Variants in RGS16 observed in about 807,000 individuals in gnomAD.
The protein encoded by RGS16 is hRGS-r.
In RGS16, 12 loss-of-function variants were observed where a neutral mutation model predicts 18.1. The ratio of observed to expected loss-of-function variants is 0.66; its 90% CI spans 0.42 to 1.07. RGS16 has a LOEUF of 1.07. RGS16 is among the 50% of genes least tolerant of loss of function. RGS16 has a pLI of 0.00. For missense variants in RGS16, 238 were observed against 249.2 expected (o/e 0.95, Z 0.30); for synonymous variants, 88 against 102.0 (o/e 0.86, Z 0.83).
Position 182,602,079 on chromosome 1 carries a change from G to T in RGS16, c.274C>A (p.Leu92Met). 1.2e-6 allele frequency: 2 copies of T among 1,614,152 alleles called. No individual in the cohort carries two copies. The highest frequency in any genetic ancestry group is 1.7e-6 in the Non-Finnish European group (2 of 1,180,026). ...FLKTEFSEEN[L>M]EFWLACEEFK... ...TCCTCACAGGCCAGCCAGAACTCCA[G>T]GTTCTCCTCACTGAACTCTGTCTTC... is the stretch of plus-strand genomic sequence containing the variant. Residue 92 changes from leucine to methionine, a missense_variant, in exon 4 of 5, where the codon CTG becomes ATG. Coordinates refer to ENST00000367558, the MANE Select transcript of RGS16 (RefSeq NM_002928.4).
rs1661919828 is a variant in RGS16, at chr1:182,604,378, C to T, written c.-119G>A. The T allele has an allele frequency of 9.9e-7, 1 of 1,008,974 alleles. No individual in the cohort carries two copies. The highest frequency in any genetic ancestry group is 1.4e-6 in the Non-Finnish European group (1 of 706,206). 62.5% of individuals were successfully genotyped at this position (1,008,974 alleles called of 1,614,324 possible). On this transcript the variant is annotated 5_prime_UTR_variant, in exon 1 of 5. Coordinates refer to ENST00000367558, the MANE Select transcript of RGS16 (RefSeq NM_002928.4). Reference sequence around the variant, plus strand: ...GCTAGTCAACTGCGGTTGGGTTTAGCAGCCTGCAAGCGCCCAGACTGAGCG... The same window carrying T: ...GCTAGTCAACTGCGGTTGGGTTTAGTAGCCTGCAAGCGCCCAGACTGAGCG...
chr1:182,602,387 A>G, intron 3 of RGS16, 33 bp downstream of exon 3: 1 of 1,597,308 alleles, frequency 6.3e-7, no homozygotes, highest in East Asian at 2.2e-5. Context: ...CACATGTGCC[A>G]CCCAGAGACA....
Position 182,604,314 on chromosome 1 carries a change from G to A in RGS16, c.-55C>T. 1 of 1,505,200 alleles carries A rather than the reference G, an allele frequency of 6.6e-7. No individual in the cohort carries two copies. The allele number at this position is 1,505,200 out of a possible 1,614,324, so 93.2% of individuals were successfully genotyped here. A position where few individuals can be genotyped will look rare whatever the true frequency, so the allele number is the denominator to read the frequency against. On this transcript the variant is annotated 5_prime_UTR_variant, in exon 1 of 5. Transcript: ENST00000367558. ...GCAGGATGGTGGCAGGCTCCAGGAG[G>A]CTCCGCGTGCGCCAGGAAGCAAAGG...
chr1:182,601,143 C>G (rs1661856702), intron 4 of RGS16, among the ~76,000 whole-genome samples: 1 of 152,210 alleles, frequency 6.6e-6, no homozygotes. Context: ...TCTTCCCTCC[C>G]TGAATTCTTT....
rs556065847 is a variant in RGS16 at position 182,600,270 on chromosome 1, G to A, written c.*22C>T. ...GTGACTCAACCTCTCTTCCCGGCTG[G>A]CTTCCTCACTGCCGTGGAGACTCAG... is the stretch of plus-strand genomic sequence containing the variant. On this transcript the variant is annotated 3_prime_UTR_variant, in exon 5 of 5. Transcript: ENST00000367558. 2.1e-4 allele frequency: 333 copies of A among 1,606,924 alleles called. 1 individual carries two copies. Among genetic ancestry groups the A allele is most frequent in the Admixed American group, 7.7e-4 (46 of 59,734 alleles).
At chr1:182,604,172 A>G in intron 1 of RGS16, 44 bp downstream of exon 1, 1 of 1,549,118 alleles carries the variant, frequency 6.5e-7, no homozygotes, top group Non-Finnish European at 8.7e-7. Flanking sequence ...ACTCCCTAAG[A>G]GTTGGTGGGA....
chr1:182,602,203 G>A, intron 3 of RGS16, 71 bp from the exon 4 acceptor site: 1 of 1,503,526 alleles, frequency 6.7e-7, no homozygotes, highest in Non-Finnish European at 9.2e-7. Flanking sequence ...AGAAAGGAAA[G>A]CAATTGCAAT....
At chr1:182,601,613 G>A (rs1357812959) in intron 4 of RGS16, among the ~76,000 whole-genome samples, 3 of 152,244 alleles carry the variant, frequency 2.0e-5, no homozygotes, top group Non-Finnish European at 4.4e-5. Context: ...GCCTCAGGCA[G>A]GTCAGCCTGG....
intron 4 of RGS16, among the ~76,000 whole-genome samples, chr1:182,601,230 A>G (rs1185173677): frequency 6.6e-6 from 1 of 151,980 alleles, no homozygotes; most frequent in Non-Finnish European, 1.5e-5. Context: ...TACCTCTGGT[A>G]CTCCCTGTCT....
chr1:182,601,661 T>C (rs977810224), intron 4 of RGS16, among the ~76,000 whole-genome samples: 1 of 152,194 alleles, frequency 6.6e-6, no homozygotes, highest in African/African-American at 2.4e-5. Context: ...TGTGCTGACC[T>C]TGTCTCCCCA....
intron 1 of RGS16, 56 bp downstream of exon 1, chr1:182,604,160 C>T: frequency 6.5e-7 from 1 of 1,542,792 alleles, no homozygotes; most frequent in South Asian, 1.2e-5. Context: ...GCCTGCCGCT[C>T]CACTCCCTAA....
intron 1 of RGS16, 114 bp downstream of exon 1, chr1:182,604,102 C>A: frequency 9.4e-7 from 1 of 1,063,188 alleles, no homozygotes. Context: ...TTCTACCTCT[C>A]TACTCAAGCC....
At chr1:182,602,388 C>T (rs1296692044) in intron 3 of RGS16, 32 bp downstream of exon 3, 5 of 1,600,756 alleles carry the variant, frequency 3.1e-6, no homozygotes, top group Non-Finnish European at 4.3e-6. Context: ...ACATGTGCCA[C>T]CCAGAGACAG....
At position 182,600,083 on chromosome 1, in the gene RGS16, G is replaced by C; in HGVS notation, c.*209C>G. 1.7e-6 allele frequency: 1 copy of C among 586,252 alleles called. No individual in the cohort carries two copies. Among genetic ancestry groups the C allele is most frequent in the Non-Finnish European group, 3.0e-6 (1 of 331,520 alleles). The allele number at this position is 586,252 out of a possible 1,614,324, so 36.3% of individuals were successfully genotyped here. A position where few individuals can be genotyped will look rare whatever the true frequency, so the allele number is the denominator to read the frequency against. The stretch of plus-strand genomic sequence containing the variant: ...TTATTCACAGGTCCTGGAAGTGGGC[G>C]GCTCCTCTCCAGCATGAGTCCCACA... On this transcript the variant is annotated 3_prime_UTR_variant, in exon 5 of 5. Transcript: ENST00000367558.
At chr1:182,602,626 CA>C (rs755409772) in intron 2 of RGS16, 142 bp from the exon 3 acceptor site, 37 of 713,556 alleles carry the variant, frequency 5.2e-5, no homozygotes, top group South Asian at 2.0e-4. Context: ...GCTGACACCT[CA>C]AACTCTTAGT....
intron 3 of RGS16, 124 bp from the exon 4 acceptor site, chr1:182,602,256 C>T: frequency 8.3e-7 from 1 of 1,206,402 alleles, no homozygotes; most frequent in South Asian, 1.3e-5. Context: ...GAACAATGAC[C>T]TGCCTTTATA....
Position 182,604,341 on chromosome 1 carries a change from G to A in RGS16, c.-82C>T. ...TCCGCGTGCGCCAGGAAGCAAAGGC[G>A]CGGTAGCAGGTGCTAGTCAACTGCG... On this transcript the variant is annotated 5_prime_UTR_variant, in exon 1 of 5. Coordinates refer to ENST00000367558, the MANE Select transcript of RGS16 (RefSeq NM_002928.4). The A allele has an allele frequency of 7.2e-7, 1 of 1,395,788 alleles. No individual in the cohort carries two copies. Among genetic ancestry groups the A allele is most frequent in the Non-Finnish European group, 9.7e-7 (1 of 1,034,600 alleles). 86.5% of individuals were successfully genotyped at this position (1,395,788 alleles called of 1,614,324 possible).
intron 2 of RGS16, 112 bp from the exon 3 acceptor site, chr1:182,602,596 C>CA: frequency 1.1e-6 from 1 of 907,926 alleles, no homozygotes; most frequent in Non-Finnish European, 1.7e-6. Context: ...CACAGAAAGG[C>CA]TTGCTTGGTG....
rs1368868149 is a variant in RGS16 at position 182,602,467 on chromosome 1, T to A, written c.173A>T (p.Asp58Val). 2 of 1,612,772 alleles carry A rather than the reference T, an allele frequency of 1.2e-6. No individual in the cohort carries two copies. Among genetic ancestry groups the A allele is most frequent in the African/African-American group, 2.7e-5 (2 of 74,516 alleles). ...GAACGACTCTCTCCACCCCAGCACATCTTCTGAGAAGTTTCTACTAAAAGA... is the reference window on the plus strand; with the variant it reads ...GAACGACTCTCTCCACCCCAGCACAACTTCTGAGAAGTTTCTACTAAAAGA... ...HSKENRNFSE[D>V]VLGWRESFDL... The change falls in exon 3 of 5, where the codon GAT becomes GTT. Residue 58 changes from aspartate (D) to valine (V), a missense_variant. By Grantham distance (152) the Asp-to-Val change is radical. Coordinates refer to ENST00000367558, the MANE Select transcript of RGS16 (RefSeq NM_002928.4).
Sources: allele counts gnomAD v4.1 joint callset (sites outside exome capture counted in the v4.1 genomes callset), GRCh38; gene constraint gnomAD v4.1.1; transcripts MANE v1.5; gene names NCBI Gene and HGNC (gene_info 2026-07-23, HGNC 2026-07-21).